The following EXOC5 variants were observed in gnomAD, a reference collection of about 807,000 sequenced individuals.
EXOC5 encodes the protein SEC10-like 1.
In EXOC5, 17 loss-of-function variants were observed where a neutral mutation model predicts 90.8. The observed-to-expected ratio is 0.19, with a 90% CI of 0.13 to 0.28. The LOEUF (loss-of-function observed/expected upper bound fraction) is 0.28. Ranked by LOEUF, EXOC5 falls within the 10% of genes least tolerant of loss-of-function variation. The pLI is 1.00. For missense variants in EXOC5, 569 were observed against 830.6 expected, an observed-to-expected ratio of 0.69 and a Z score of 3.87; for synonymous variants, 260 against 270.0, an observed-to-expected ratio of 0.96 and a Z score of 0.36.
intron 9 of EXOC5, chr14:57,233,032 A>G (rs532563237): frequency 1.2e-3 from 256 of 216,818 alleles, no homozygotes; most frequent in African/African-American, 5.4e-3. Flanking sequence ...TGCATCAAAA[A>G]AACAAAACTG....
intron 12 of EXOC5, among the ~76,000 whole-genome samples, 164 bp downstream of exon 12, chr14:57,229,569 TA>T (rs1313552126): frequency 6.6e-6 from 1 of 152,214 alleles, no homozygotes; most frequent in Non-Finnish European, 1.5e-5. Flanking sequence ...ACAGACTAAT[TA>T]AAGTATAAAT....
chr14:57,219,717 T>A (rs1445212816), intron 13 of EXOC5, among the ~76,000 whole-genome samples: 2 of 152,098 alleles, frequency 1.3e-5, no homozygotes, highest in African/African-American at 4.8e-5. Flanking sequence ...ATATTTCTTA[T>A]AACCAGGCCT....
intron 1 of EXOC5, among the ~76,000 whole-genome samples, chr14:57,260,425 C>A (rs1484533438): frequency 2.0e-5 from 3 of 152,038 alleles, no homozygotes; most frequent in African/African-American, 7.2e-5. Context: ...ATCTTGAAGC[C>A]CTTTAAACTA....
intron 15 of EXOC5, among the ~76,000 whole-genome samples, chr14:57,214,158 T>C (rs539572018): frequency 6.6e-6 from 1 of 152,220 alleles, no homozygotes; most frequent in East Asian, 1.9e-4. Context: ...CACCTACCAT[T>C]GGCATGTCCA....
intron 7 of EXOC5, among the ~76,000 whole-genome samples, chr14:57,234,410 C>T (rs1220907356): frequency 6.6e-6 from 1 of 151,102 alleles, no homozygotes; most frequent in Non-Finnish European, 1.5e-5. Context: ...CACACACATA[C>T]ACAGAGAGTC....
chr14:57,232,770 T>G, intron 9 of EXOC5, 21 bp from the exon 10 acceptor site: 3 of 1,106,052 alleles, frequency 2.7e-6, no homozygotes, highest in Non-Finnish European at 4.0e-6. Context: ...AAGGTTAACA[T>G]TCTGTTAATT....
chr14:57,227,292 A>T (rs75823324), intron 12 of EXOC5, among the ~76,000 whole-genome samples: 2,651 of 152,266 alleles, frequency 0.017, 26 homozygotes, highest in Non-Finnish European at 0.028. Flanking sequence ...CTAAAAAAAA[A>T]CCATATGATT....
At chr14:57,212,155 A>G (rs1882846731) in intron 15 of EXOC5, among the ~76,000 whole-genome samples, 1 of 152,214 alleles carries the variant, frequency 6.6e-6, no homozygotes, top group African/African-American at 2.4e-5. Flanking sequence ...CTGAGCCACC[A>G]TGCCCACCCA....
rs936252838 is a variant in EXOC5, at chr14:57,204,791, T to C, written c.*3818A>G. 6.6e-6 allele frequency: 1 copy of C among 152,468 alleles called. No homozygotes were observed. Among genetic ancestry groups the C allele is most frequent in the African/African-American group, 2.4e-5 (1 of 41,454 alleles). The allele number at this position is 152,468 out of a possible 1,614,324, so 9.4% of individuals were successfully genotyped here. A position where few individuals can be genotyped will look rare whatever the true frequency, so the allele number is the denominator to read the frequency against. ...AAATCAAATTTAAAAAGTATGACCA[T>C]ACATTGAACATATTAAGAAAAACAC... is the stretch of plus-strand genomic sequence containing the variant. On this transcript the variant is annotated 3_prime_UTR_variant, in exon 18 of 18. Coordinates refer to ENST00000621441, the MANE Select transcript of EXOC5 (RefSeq NM_006544.4).
chr14:57,220,847 C>A (rs1295093407), intron 13 of EXOC5, among the ~76,000 whole-genome samples: 4 of 151,968 alleles, frequency 2.6e-5, no homozygotes, highest in Admixed American at 1.3e-4. Flanking sequence ...TATATATACA[C>A]ACTTTTTTTA....
chr14:57,231,090 C>T (rs775183767), intron 11 of EXOC5, among the ~76,000 whole-genome samples: 7 of 150,990 alleles, frequency 4.6e-5, no homozygotes, highest in Non-Finnish European at 1.0e-4. Context: ...CTCACTGCAA[C>T]CTCCGTCTCC....
At position 57,201,671 on chromosome 14, in the gene EXOC5, G is replaced by A. The variant is rs2139596621; in HGVS notation, c.*6938C>T. On this transcript the variant is annotated 3_prime_UTR_variant, in exon 18 of 18. Coordinates refer to ENST00000621441, the MANE Select transcript of EXOC5 (RefSeq NM_006544.4). ...AGGTTGAGGTGGGCAGATCACTTAAGGCTAGGAGTTTGACACCAGCCTGAC... is the reference window on the plus strand; with the variant it reads ...AGGTTGAGGTGGGCAGATCACTTAAAGCTAGGAGTTTGACACCAGCCTGAC... 1 of 150,222 alleles carries A rather than the reference G, an allele frequency of 6.7e-6. No homozygotes were observed. The highest frequency in any genetic ancestry group is 2.0e-4 in the East Asian group (1 of 5,046). The allele number at this position is 150,222 out of a possible 1,614,324, so 9.3% of individuals were successfully genotyped here.
chr14:57,252,774 C>A (rs1884232291), intron 1 of EXOC5, among the ~76,000 whole-genome samples: 1 of 152,130 alleles, frequency 6.6e-6, no homozygotes, highest in African/African-American at 2.4e-5. Context: ...ATCCAGCAAT[C>A]ATACTACTAA....
intron 5 of EXOC5, among the ~76,000 whole-genome samples, chr14:57,238,388 A>ACACACACACACC (rs1883744294): frequency 6.7e-6 from 1 of 148,262 alleles, no homozygotes; most frequent in Non-Finnish European, 1.5e-5. Context: ...ACACACACAC[A>ACACACACACACC]CACACACACA....
At chr14:57,254,220 A>G (rs1006242720) in intron 1 of EXOC5, among the ~76,000 whole-genome samples, 1 of 152,116 alleles carries the variant, frequency 6.6e-6, no homozygotes, top group Non-Finnish European at 1.5e-5. Context: ...AGATCTCTTG[A>G]GGTCAGGAGT....
At chr14:57,254,436 C>CAA (rs200928380) in intron 1 of EXOC5, among the ~76,000 whole-genome samples, 2 of 123,810 alleles carry the variant, frequency 1.6e-5, no homozygotes, top group African/African-American at 6.0e-5. Flanking sequence ...GAATCTGTTC[C>CAA]AAAAAAAAAA....
chr14:57,245,528 A>ATTT (rs985787360), intron 3 of EXOC5, among the ~76,000 whole-genome samples: 32 of 152,306 alleles, frequency 2.1e-4, no homozygotes, highest in Non-Finnish European at 2.9e-4. Context: ...TATTATTATT[A>ATTT]TTACCAAGGG....
chr14:57,231,668 T>A lies in EXOC5; in HGVS notation c.986A>T (p.Asp329Val). The change falls in exon 11 of 18, where the codon GAT becomes GTT. Residue 329 changes from aspartate (D) to valine (V), a missense_variant. Around this residue, in one of 9 missense-constraint regions of EXOC5, gnomAD observed 114 missense variants for 111.2 expected, o/e 1.03. Transcript: ENST00000621441. The part of the protein sequence containing the change: ...SKLMEFNLGT[D>V]KQTFLSKLIK... ...AAGCTTAGACAAGAAAGTCTGTTTA[T>A]CAGTACCTAAATTAAACTCCATCAG... The A allele has an allele frequency of 1.2e-6, 2 of 1,613,048 alleles. No individual in the cohort carries two copies. Among genetic ancestry groups the A allele is most frequent in the Non-Finnish European group, 1.7e-6 (2 of 1,179,536 alleles).
At chr14:57,219,111 T>C (rs1883053912) in intron 14 of EXOC5, among the ~76,000 whole-genome samples, 1 of 152,020 alleles carries the variant, frequency 6.6e-6, no homozygotes, top group African/African-American at 2.4e-5. Flanking sequence ...AAATTAATAA[T>C]ATAGTGGAAA....
Sources: allele counts gnomAD v4.1 joint callset (sites outside exome capture counted in the v4.1 genomes callset), GRCh38; gene constraint gnomAD v4.1.1; regional missense constraint gnomAD v4.1.1; transcripts MANE v1.5; gene names NCBI Gene and HGNC (gene_info 2026-07-23, HGNC 2026-07-21).